The following CPXM2 variants were observed in gnomAD, a reference collection of about 807,000 sequenced individuals.
CPXM2 encodes the protein carboxypeptidase X, M14 family member 2, also known as inactive carboxypeptidase-like protein X2.
Under a neutral mutation model 86.1 loss-of-function variants are expected in CPXM2, and 66 were observed. The observed-to-expected ratio is 0.77, with a 90% CI of 0.63 to 0.94. The LOEUF (loss-of-function observed/expected upper bound fraction) is 0.94. CPXM2 is among the 40% of genes least tolerant of loss of function. The pLI is 0.00. For missense variants in CPXM2, 948 were observed against 1,026.3 expected (o/e 0.92, Z 1.04); for synonymous variants, 388 against 400.2 (o/e 0.97, Z 0.36).
In CPXM2 at chr10:123,891,231, C is replaced by G. The variant is rs1042291715; in HGVS notation, c.304+125G>C. ...GATACAGTCCCTAGGGAGGCAGAGG[C>G]GGCAACAGGGAGATTCCCGGGACTG... is the stretch of plus-strand genomic sequence containing the variant. On this transcript the variant is annotated intron_variant, in intron 1 of 13. Transcript: ENST00000241305. The surrounding 1 kb of genome is among the most constrained non-coding windows in gnomAD (Gnocchi z 5.6). The G allele has an allele frequency of 2.5e-6, 2 of 795,040 alleles. No homozygotes were observed. The highest frequency in any genetic ancestry group is 3.8e-6 in the Non-Finnish European group (2 of 523,114). 49.2% of individuals were successfully genotyped at this position (795,040 alleles called of 1,614,324 possible).
At chr10:123,844,028 G>A (rs1848443088) in intron 3 of CPXM2, among the ~76,000 whole-genome samples, 1 of 152,156 alleles carries the variant, frequency 6.6e-6, no homozygotes, top group African/African-American at 2.4e-5. Context: ...ATGTAGCACA[G>A]TGTCAGGGGA....
At chr10:123,899,685 C>T (rs948876184) in intron 2 of CPXM2, among the ~76,000 whole-genome samples, 2 of 152,212 alleles carry the variant, frequency 1.3e-5, no homozygotes, top group African/African-American at 4.8e-5. Flanking sequence ...GAATGTTACA[C>T]ATCAAGGTGG....
At chr10:123,903,910 G>A (rs1259662149) in intron 2 of CPXM2, among the ~76,000 whole-genome samples, 1 of 152,158 alleles carries the variant, frequency 6.6e-6, no homozygotes, top group Non-Finnish European at 1.5e-5. Context: ...TCAGACTCTG[G>A]CGTGGGTTTG....
intron 2 of CPXM2, among the ~76,000 whole-genome samples, chr10:123,899,353 G>C (rs1417035547): frequency 6.6e-6 from 1 of 152,126 alleles, no homozygotes; most frequent in Non-Finnish European, 1.5e-5. Flanking sequence ...TAGAAAAATC[G>C]ACCTATGTAA....
upstream of CPXM2, among the ~76,000 whole-genome samples, chr10:123,943,809 G>A (rs1291480227): frequency 2.0e-5 from 3 of 152,210 alleles, no homozygotes; most frequent in African/African-American, 7.2e-5. Flanking sequence ...CTTGGGCCTA[G>A]AGGGACACCA....
chr10:123,755,173 A>C (rs913365948), intron 12 of CPXM2, among the ~76,000 whole-genome samples: 16 of 152,222 alleles, frequency 1.1e-4, no homozygotes, highest in African/African-American at 3.4e-4. Context: ...AAGTTGTAGA[A>C]GTAGCCAATG....
In CPXM2 at chr10:123,746,710, C is replaced by A; in HGVS notation, c.*54G>T. The A allele has an allele frequency of 6.4e-7, 1 of 1,560,174 alleles. No individual in the cohort carries two copies. Among genetic ancestry groups the A allele is most frequent in the Non-Finnish European group, 8.8e-7 (1 of 1,139,624 alleles). The stretch of plus-strand genomic sequence containing the variant: ...GAGTGAGTCCACTATGGAGCTACTA[C>A]CAGGTTGGTTTAATTTGCATGGGTC... On this transcript the variant is annotated 3_prime_UTR_variant, in exon 14 of 14. Coordinates refer to ENST00000241305, the MANE Select transcript of CPXM2 (RefSeq NM_198148.3).
At chr10:123,748,968 T>C (rs1393547299) in intron 13 of CPXM2, among the ~76,000 whole-genome samples, 1 of 152,166 alleles carries the variant, frequency 6.6e-6, no homozygotes, top group Non-Finnish European at 1.5e-5. Flanking sequence ...GAAGAGCCCG[T>C]GTTTTCCTCT....
chr10:123,789,014 T>C (rs913894166), intron 6 of CPXM2, among the ~76,000 whole-genome samples: 3 of 152,064 alleles, frequency 2.0e-5, no homozygotes, highest in Non-Finnish European at 4.4e-5. Flanking sequence ...GCAGCTGCCA[T>C]TGTGGCCTTG....
chr10:123,930,758 G>T (rs1010254693), intron 2 of CPXM2, among the ~76,000 whole-genome samples: 4 of 152,228 alleles, frequency 2.6e-5, no homozygotes, highest in African/African-American at 9.6e-5. Flanking sequence ...CCAATGAATT[G>T]CTGAAAGAAT....
chr10:123,935,489 G>T (rs1016178289), intron 2 of CPXM2, among the ~76,000 whole-genome samples: 3 of 152,156 alleles, frequency 2.0e-5, no homozygotes, highest in African/African-American at 7.2e-5. Flanking sequence ...AACAAACTTT[G>T]CCCTTGCCAG....
At chr10:123,911,564 C>T (rs1437288427) in intron 2 of CPXM2, among the ~76,000 whole-genome samples, 1 of 151,634 alleles carries the variant, frequency 6.6e-6, no homozygotes, top group African/African-American at 2.4e-5. Context: ...ACCTAATAGC[C>T]AGGTGAAGAG....
At chr10:123,921,056 A>AT (rs1352683380) in intron 2 of CPXM2, among the ~76,000 whole-genome samples, 15 of 152,204 alleles carry the variant, frequency 9.9e-5, no homozygotes, top group African/African-American at 3.4e-4. Flanking sequence ...ATGATCAAAC[A>AT]TTTTTATAAC....
chr10:123,848,600 C>A (rs1219068070), intron 3 of CPXM2, among the ~76,000 whole-genome samples: 1 of 152,170 alleles, frequency 6.6e-6, no homozygotes, highest in Non-Finnish European at 1.5e-5. Context: ...GTTTTCACAT[C>A]AACATTCTAA....
chr10:123,803,725 G>A (rs992330804), intron 4 of CPXM2, among the ~76,000 whole-genome samples: 3 of 151,924 alleles, frequency 2.0e-5, no homozygotes, highest in Non-Finnish European at 2.9e-5. Flanking sequence ...GCAGTGATGC[G>A]ATCTCGGCTC....
chr10:123,860,870 C>T (rs1047827881), intron 3 of CPXM2, among the ~76,000 whole-genome samples: 12 of 152,164 alleles, frequency 7.9e-5, no homozygotes, highest in East Asian at 3.8e-4. Context: ...TTTTTTTATA[C>T]GAGTATTTAT....
chr10:123,862,390 G>C (rs1009571473), intron 3 of CPXM2, among the ~76,000 whole-genome samples: 1 of 152,244 alleles, frequency 6.6e-6, no homozygotes, highest in African/African-American at 2.4e-5. Context: ...CTGGGTCCAG[G>C]TACTGGTGGT....
chr10:123,794,936 A>G (rs749280702), intron 6 of CPXM2, among the ~76,000 whole-genome samples: 1 of 151,944 alleles, frequency 6.6e-6, no homozygotes, highest in Non-Finnish European at 1.5e-5. Flanking sequence ...TGCCTGGATA[A>G]TTTTTGTATT....
At chr10:123,786,995 A>T (rs1847074245) in intron 6 of CPXM2, among the ~76,000 whole-genome samples, 1 of 152,190 alleles carries the variant, frequency 6.6e-6, no homozygotes, top group South Asian at 2.1e-4. Flanking sequence ...AAACAGCCAC[A>T]GATGCTTCTG....
Sources: gnomAD v4.1 joint callset for allele counts (sites outside exome capture counted in the v4.1 genomes callset) on GRCh38, gnomAD v4.1.1 for gene constraint, Gnocchi (gnomAD v3.1) non-coding constraint, MANE v1.5 for transcripts, NCBI Gene and HGNC (gene_info 2026-07-23, HGNC 2026-07-21) for gene names.